ZBTB7A: variants seen among roughly 807,000 people sequenced by gnomAD.
ZBTB7A encodes the protein zinc finger and BTB domain containing 7A, also known as zinc finger and BTB domain-containing protein 7A.
A neutral mutation model predicts 26.7 loss-of-function variants in ZBTB7A; 7 were observed. That is an observed-to-expected ratio of 0.26 (90% CI 0.15 to 0.49). The LOEUF (loss-of-function observed/expected upper bound fraction) is 0.49, where lower values mean the gene tolerates loss of function less well. ZBTB7A is among the 20% of genes least tolerant of loss of function. The pLI, the probability that ZBTB7A is intolerant of heterozygous loss-of-function variation, is 0.98. For synonymous variants in ZBTB7A, 452 were observed against 441.0 expected (o/e 1.02, Z -0.31); for missense variants, 617 against 919.5 (o/e 0.67, Z 4.25).
In ZBTB7A at chr19:4,047,748, G is replaced by A. The variant is rs1473458809; in HGVS notation, c.*4C>T. ...CTCGGGTTTCTGTTTTCTCTTTTTGGTTTTTAGGCGAGTCCGGCTGTGAAG... is the reference window on the plus strand; with the variant it reads ...CTCGGGTTTCTGTTTTCTCTTTTTGATTTTTAGGCGAGTCCGGCTGTGAAG... On this transcript the variant is annotated 3_prime_UTR_variant, in exon 3 of 3. Coordinates refer to ENST00000322357, the MANE Select transcript of ZBTB7A (RefSeq NM_015898.4). 1 of 1,591,396 alleles carries A rather than the reference G, an allele frequency of 6.3e-7. No homozygotes were observed. Among genetic ancestry groups the A allele is most frequent in the Non-Finnish European group, 8.5e-7 (1 of 1,170,592 alleles).
In ZBTB7A at chr19:4,045,916, C is replaced by T. The variant is rs1358603186; in HGVS notation, c.*1836G>A. 2.5e-5 allele frequency: 10 copies of T among 398,152 alleles called. No homozygotes were observed. Among genetic ancestry groups the T allele is most frequent in the East Asian group, 1.1e-4 (3 of 28,052 alleles). 24.7% of individuals were successfully genotyped at this position (398,152 alleles called of 1,614,324 possible). A position where few individuals can be genotyped will look rare whatever the true frequency, so the allele number is the denominator to read the frequency against. Reference sequence around the variant, plus strand: ...GGGGTGCCTGGGGTGGGGAGAGGGGCGGTGGTTCTAAGGCCCTGGAGGTGG... The same window carrying T: ...GGGGTGCCTGGGGTGGGGAGAGGGGTGGTGGTTCTAAGGCCCTGGAGGTGG... On this transcript the variant is annotated 3_prime_UTR_variant, in exon 3 of 3. Transcript: ENST00000322357. The surrounding 1 kb of genome is among the most constrained non-coding windows in gnomAD (Gnocchi z 4.1).
At chr19:4,049,873 A>G (rs1442538794) in intron 2 of ZBTB7A, among the ~76,000 whole-genome samples, 1 of 150,682 alleles carries the variant, frequency 6.6e-6, no homozygotes, top group African/African-American at 2.4e-5. Context: ...CTCAAATGTC[A>G]CCTCCTTCCC....
intron 2 of ZBTB7A, 93 bp downstream of exon 2, chr19:4,053,878 C>A: frequency 2.8e-6 from 4 of 1,423,254 alleles, no homozygotes; most frequent in Non-Finnish European, 3.8e-6. Flanking sequence ...TGCATGTGTG[C>A]GTGCGGTGCA....
chr19:4,045,679 G>A lies in ZBTB7A; in HGVS notation c.*2073C>T, dbSNP rs141265359. 1.1e-4 allele frequency: 42 copies of A among 384,708 alleles called. No individual in the cohort carries two copies. In the East Asian group the frequency reaches 1.6e-3, roughly 14 times the overall value. 23.8% of individuals were successfully genotyped at this position (384,708 alleles called of 1,614,324 possible). A position where few individuals can be genotyped will look rare whatever the true frequency, so the allele number is the denominator to read the frequency against. ...TTGGGCATTGACAAGAAGTCTCAGT[G>A]CAGCAGAGCGTCTATTTTCGGGGTC... On this transcript the variant is annotated 3_prime_UTR_variant, in exon 3 of 3. Coordinates refer to ENST00000322357, the MANE Select transcript of ZBTB7A (RefSeq NM_015898.4). The surrounding 1 kb of genome is among the most constrained non-coding windows in gnomAD (Gnocchi z 4.1).
Position 4,060,808 on chromosome 19 carries a change from C to T in ZBTB7A, c.-15-5561G>A, listed in dbSNP as rs372015891. ...GAGGGCTGGGCAGGTAACTGCCACC[C>T]GCCACCTTCCCGAAGGTCACTTCCT... is the stretch of plus-strand genomic sequence containing the variant. On this transcript the variant is annotated intron_variant, in intron 1 of 2. Transcript: ENST00000322357. Among the ~76,000 whole-genome samples, 4 of 152,254 alleles carry T rather than the reference C, an allele frequency of 2.6e-5. No individual in the cohort carries two copies. In the South Asian group the frequency reaches 6.2e-4, roughly 24 times the overall value.
At chr19:4,059,990 C>G (rs572685474) in intron 1 of ZBTB7A, among the ~76,000 whole-genome samples, 1 of 152,172 alleles carries the variant, frequency 6.6e-6, no homozygotes, top group East Asian at 1.9e-4. Flanking sequence ...CCCGGCCCCA[C>G]GCCAGCCAGG....
rs111282200 is a variant in ZBTB7A at position 4,053,529 on chromosome 19, G to A, written c.1262+442C>T. 1.2e-4 allele frequency among the ~76,000 whole-genome samples: 16 copies of A among 130,602 alleles called. No individual in the cohort carries two copies. In the East Asian group the frequency reaches 3.8e-3, roughly 31 times the overall value. 85.7% of individuals were successfully genotyped at this position (130,602 alleles called of 152,430 possible). A position where few individuals can be genotyped will look rare whatever the true frequency, so the allele number is the denominator to read the frequency against. ...TGTGCGTGTGTGCGTGCGTGCGTGC[G>A]TGCATGTGTATGTGATGTGTATGTG... On this transcript the variant is annotated intron_variant, in intron 2 of 2. Transcript: ENST00000322357.
At chr19:4,053,730 C>CTGTGCATGTG (rs1474853551) in intron 2 of ZBTB7A, among the ~76,000 whole-genome samples, 1 of 149,644 alleles carries the variant, frequency 6.7e-6, no homozygotes, top group South Asian at 2.1e-4. Flanking sequence ...GCATACGCGT[C>CTGTGCATGTG]TGTGCATGTG....
chr19:4,052,443 G>T lies in ZBTB7A; in HGVS notation c.1262+1528C>A, dbSNP rs2040513695. On this transcript the variant is annotated intron_variant, in intron 2 of 2. Transcript: ENST00000322357. The surrounding 1 kb of genome is among the most constrained non-coding windows in gnomAD (Gnocchi z 4.9). ...CAAAGTGCCCTTTGCCCCCTGCCTG[G>T]CACTCCTGGGCGCCGGAGTCCAGGC... Among the ~76,000 whole-genome samples the T allele has an allele frequency of 6.6e-6, 1 of 152,050 alleles. No individual in the cohort carries two copies. Among genetic ancestry groups the T allele is most frequent in the African/African-American group, 2.4e-5 (1 of 41,394 alleles).
intron 1 of ZBTB7A, among the ~76,000 whole-genome samples, chr19:4,056,772 C>T (rs1199669266): frequency 2.6e-5 from 4 of 151,938 alleles, no homozygotes; most frequent in Non-Finnish European, 4.4e-5. Flanking sequence ...GAGGCTGAGG[C>T]GGGAGAATCG....
chr19:4,049,044 C>T (rs1008058938), intron 2 of ZBTB7A, among the ~76,000 whole-genome samples: 4 of 149,238 alleles, frequency 2.7e-5, no homozygotes, highest in East Asian at 4.0e-4. Flanking sequence ...GGCGTGATCA[C>T]GGTTCCCTGC....
chr19:4,065,347 C>T lies in ZBTB7A; in HGVS notation c.-16+1335G>A, dbSNP rs2040683524. Reference sequence around the variant, plus strand: ...GGCCCGGGCGGGGGCAGGAAGCGGCCCCCTCCCCCGCCCCGGCCGCAGCGC... The same window carrying T: ...GGCCCGGGCGGGGGCAGGAAGCGGCTCCCTCCCCCGCCCCGGCCGCAGCGC... On this transcript the variant is annotated intron_variant, in intron 1 of 2. Coordinates refer to ENST00000322357, the MANE Select transcript of ZBTB7A (RefSeq NM_015898.4). The T allele has an allele frequency of 5.5e-5, 8 of 145,678 alleles. No individual in the cohort carries two copies. The South Asian group carries it at 1.0e-3, about 19-fold the overall frequency. 9.0% of individuals were successfully genotyped at this position (145,678 alleles called of 1,614,324 possible).
chr19:4,047,665 T>G lies in ZBTB7A; in HGVS notation c.*87A>C. The stretch of plus-strand genomic sequence containing the variant: ...TCTGTATATAGATAGATTTTCTTTT[T>G]TTGTGTTTTTGGGGGGGTGGTGGGT... On this transcript the variant is annotated 3_prime_UTR_variant, in exon 3 of 3. Transcript: ENST00000322357. The G allele has an allele frequency of 6.9e-7, 1 of 1,452,512 alleles. No individual in the cohort carries two copies. Among genetic ancestry groups the G allele is most frequent in the Non-Finnish European group, 9.2e-7 (1 of 1,084,904 alleles). 90.0% of individuals were successfully genotyped at this position (1,452,512 alleles called of 1,614,324 possible). A position where few individuals can be genotyped will look rare whatever the true frequency, so the allele number is the denominator to read the frequency against.
chr19:4,058,112 G>A (rs541308051), intron 1 of ZBTB7A, among the ~76,000 whole-genome samples: 14 of 152,292 alleles, frequency 9.2e-5, no homozygotes, highest in Non-Finnish European at 1.6e-4. Flanking sequence ...TGCCCCGTCC[G>A]GACAGGGCCA....
Position 4,043,677 on chromosome 19 carries a change from G to A in ZBTB7A, c.*4075C>T, listed in dbSNP as rs1205420486. 2.7e-5 allele frequency among the ~76,000 whole-genome samples: 4 copies of A among 148,526 alleles called. No individual in the cohort carries two copies. Among genetic ancestry groups the A allele is most frequent in the South Asian group, 2.1e-4 (1 of 4,674 alleles). Reference sequence around the variant, plus strand: ...TCCACAGCCTCCAGGCAGCCCCGGCGAGGGATGGGGGTCTCCCTGGCCCCC... The same window carrying A: ...TCCACAGCCTCCAGGCAGCCCCGGCAAGGGATGGGGGTCTCCCTGGCCCCC... On this transcript the variant is annotated 3_prime_UTR_variant, in exon 3 of 3. Transcript: ENST00000322357.
In ZBTB7A at chr19:4,065,213, G is replaced by A. The variant is rs536928439; in HGVS notation, c.-16+1469C>T. The stretch of plus-strand genomic sequence containing the variant: ...CGGGGTCACGCGCTTTGGGGGCGCG[G>A]ACGGCGGGGACTGGGGTGCTCTCTC... On this transcript the variant is annotated intron_variant, in intron 1 of 2. Coordinates refer to ENST00000322357, the MANE Select transcript of ZBTB7A (RefSeq NM_015898.4). 2.6e-5 allele frequency among the ~76,000 whole-genome samples: 4 copies of A among 151,650 alleles called. No homozygotes were observed. In the South Asian group the frequency reaches 8.3e-4, roughly 31 times the overall value.
At chr19:4,061,139 T>C (rs1272532758) in intron 1 of ZBTB7A, among the ~76,000 whole-genome samples, 1 of 152,128 alleles carries the variant, frequency 6.6e-6, no homozygotes, top group Admixed American at 6.5e-5. Context: ...CCAGAGCCAG[T>C]CCCCAAAACA....
chr19:4,066,305 C>T (rs1213935540), intron 1 of ZBTB7A, among the ~76,000 whole-genome samples: 1 of 149,322 alleles, frequency 6.7e-6, no homozygotes, highest in Non-Finnish European at 1.5e-5. Context: ...CAGCTGGAAA[C>T]TTAGCAGGCG....
At chr19:4,060,054 C>T (rs896130367) in intron 1 of ZBTB7A, among the ~76,000 whole-genome samples, 20 of 152,122 alleles carry the variant, frequency 1.3e-4, no homozygotes, top group African/African-American at 4.3e-4. Flanking sequence ...CCACCCGGGG[C>T]CCCATCTTTC....
Sources: allele counts gnomAD v4.1 joint callset (sites outside exome capture counted in the v4.1 genomes callset), GRCh38; gene constraint gnomAD v4.1.1; non-coding constraint Gnocchi (gnomAD v3.1); transcripts MANE v1.5; gene names NCBI Gene and HGNC (gene_info 2026-07-23, HGNC 2026-07-21).